The following SLC16A7 variants were observed in gnomAD, a reference collection of about 807,000 sequenced individuals.
SLC16A7 encodes the protein solute carrier family 16 member 7.
Under a neutral mutation model 34.9 loss-of-function variants are expected in SLC16A7, and 33 were observed. That is an observed-to-expected ratio of 0.94 (90% confidence interval 0.72 to 1.26). SLC16A7 has a LOEUF of 1.26. Among genes scored for constraint, SLC16A7 ranks in the 50% most tolerant of loss-of-function variants. SLC16A7 has a pLI of 0.00. For missense variants in SLC16A7, 573 were observed against 578.1 expected (o/e 0.99, Z 0.09); for synonymous variants, 201 against 206.6 (o/e 0.97, Z 0.23).
intron 2 of SLC16A7, among the ~76,000 whole-genome samples, chr12:59,659,828 C>T (rs918976245): frequency 2.6e-5 from 4 of 152,042 alleles, no homozygotes; most frequent in Admixed American, 2.0e-4. Context: ...CAGAATATTT[C>T]TGCATCAAGC....
chr12:59,599,375 T>A (rs1345414237), intron 1 of SLC16A7, among the ~76,000 whole-genome samples: 1 of 152,156 alleles, frequency 6.6e-6, no homozygotes, highest in Non-Finnish European at 1.5e-5. Context: ...TCTAATCATC[T>A]AGTTTATGAT....
chr12:59,655,823 A>G (rs1332112223), intron 2 of SLC16A7, among the ~76,000 whole-genome samples: 1 of 151,934 alleles, frequency 6.6e-6, no homozygotes, highest in Non-Finnish European at 1.5e-5. Context: ...CAGGGATTTC[A>G]ATCCTCGCTG....
At chr12:59,662,468 A>T (rs183429053) in intron 2 of SLC16A7, among the ~76,000 whole-genome samples, 1 of 152,214 alleles carries the variant, frequency 6.6e-6, no homozygotes, top group Admixed American at 6.6e-5. Flanking sequence ...ATTTAAAAAA[A>T]ATCTCGCATG....
At chr12:59,677,709 C>G (rs2137066049) in intron 2 of SLC16A7, among the ~76,000 whole-genome samples, 1 of 152,292 alleles carries the variant, frequency 6.6e-6, no homozygotes, top group South Asian at 2.1e-4. Context: ...TACCCTATCT[C>G]TTAAATGCAA....
intron 1 of SLC16A7, among the ~76,000 whole-genome samples, chr12:59,638,193 C>T (rs1452311272): frequency 6.6e-6 from 1 of 152,060 alleles, no homozygotes; most frequent in Admixed American, 6.6e-5. Context: ...GAAAACCCAG[C>T]AAAACCTGTC....
rs79772150 is a variant in SLC16A7, at chr12:59,776,008, C to T, written c.1180+533C>T. ...CCATATAGAGAAAGACAGGGATGAC[C>T]GAAAATTTATTCACAGTTTTTTTGA... On this transcript the variant is annotated intron_variant, in intron 5 of 5. Transcript: ENST00000547379. Among the ~76,000 whole-genome samples the T allele has an allele frequency of 2.8e-4, 43 of 152,008 alleles. 1 individual carries two copies. Among genetic ancestry groups the T allele is most frequent in the Non-Finnish European group, 4.4e-4 (30 of 67,946 alleles).
chr12:59,766,699 T>C (rs1259654370), intron 3 of SLC16A7, among the ~76,000 whole-genome samples: 1 of 152,200 alleles, frequency 6.6e-6, no homozygotes, highest in Non-Finnish European at 1.5e-5. Context: ...TCATGGTGGA[T>C]AAGCTTTTTG....
intron 3 of SLC16A7, 52 bp from the exon 4 acceptor site, chr12:59,771,167 C>G: frequency 6.5e-7 from 1 of 1,538,842 alleles, no homozygotes; most frequent in Non-Finnish European, 8.8e-7. Flanking sequence ...TAAAGATAAA[C>G]AAATAAATGA....
intron 1 of SLC16A7, among the ~76,000 whole-genome samples, chr12:59,615,278 G>A (rs774125539): frequency 2.0e-5 from 3 of 151,884 alleles, no homozygotes; most frequent in South Asian, 2.1e-4. Flanking sequence ...TGTTTTTATA[G>A]CAGCACAAAC....
intron 2 of SLC16A7, among the ~76,000 whole-genome samples, chr12:59,684,328 G>A (rs573709909): frequency 6.6e-6 from 1 of 152,170 alleles, no homozygotes; most frequent in South Asian, 2.1e-4. Context: ...AAATGGATTA[G>A]CATGAGAGGG....
chr12:59,635,909 C>A (rs1390539168), intron 1 of SLC16A7, among the ~76,000 whole-genome samples: 1 of 150,940 alleles, frequency 6.6e-6, no homozygotes, highest in Non-Finnish European at 1.5e-5. Context: ...CAGAAAGATT[C>A]ATCTTAAGTG....
intron 2 of SLC16A7, among the ~76,000 whole-genome samples, chr12:59,678,306 A>C (rs760201972): frequency 2.2e-4 from 33 of 152,212 alleles, no homozygotes; most frequent in South Asian, 4.1e-4. Flanking sequence ...GTGTCCAGGA[A>C]GAATGAGGTA....
chr12:59,607,179 G>A (rs2136962366), intron 1 of SLC16A7, among the ~76,000 whole-genome samples: 1 of 152,154 alleles, frequency 6.6e-6, no homozygotes, highest in Non-Finnish European at 1.5e-5. Flanking sequence ...ATTAAATCCT[G>A]CTCTAGAATT....
chr12:59,718,347 T>A (rs1252138195), intron 3 of SLC16A7, among the ~76,000 whole-genome samples: 1 of 152,096 alleles, frequency 6.6e-6, no homozygotes, highest in African/African-American at 2.4e-5. Context: ...AACTCATCGT[T>A]TTTACTAAAT....
rs149992965 is a variant in SLC16A7, at chr12:59,658,162, G to A, written c.-31+2912G>A. On this transcript the variant is annotated intron_variant, in intron 2 of 5. Coordinates refer to ENST00000547379, the MANE Select transcript of SLC16A7 (RefSeq NM_001270623.2). ...AAGAAACAGATATCAATAATCACAT[G>A]GTGTGTTTTAGTAAAATGAGATTTC... 3.7e-3 allele frequency among the ~76,000 whole-genome samples: 566 copies of A among 152,050 alleles called. 7 individuals carry two copies. Among genetic ancestry groups the A allele is most frequent in the Middle Eastern group, 0.017 (5 of 294 alleles).
chr12:59,670,584 AT>A (rs1214283640), intron 2 of SLC16A7, among the ~76,000 whole-genome samples: 7 of 152,176 alleles, frequency 4.6e-5, no homozygotes, highest in Admixed American at 2.6e-4. Flanking sequence ...ATTCCTCTCC[AT>A]CTGTGAATCT....
chr12:59,670,731 A>C (rs76486874), intron 2 of SLC16A7, among the ~76,000 whole-genome samples: 3,853 of 152,324 alleles, frequency 0.025, 174 homozygotes, highest in African/African-American at 0.087. Context: ...ACTGGTCTAA[A>C]ACAAGTTCAA....
At chr12:59,696,580 T>G (rs1872321599) in intron 2 of SLC16A7, 1 of 152,030 alleles carries the variant, frequency 6.6e-6, no homozygotes, top group Non-Finnish European at 1.5e-5. Context: ...GCTGTGCTTG[T>G]TAAAAGAAAT....
At chr12:59,678,481 G>A (rs148907247) in intron 2 of SLC16A7, among the ~76,000 whole-genome samples, 29 of 152,228 alleles carry the variant, frequency 1.9e-4, no homozygotes, top group African/African-American at 5.5e-4. Context: ...TCTTCTCTGC[G>A]GCTGGTAGTT....
Sources: gnomAD v4.1 joint callset for allele counts (sites outside exome capture counted in the v4.1 genomes callset) on GRCh38, gnomAD v4.1.1 for gene constraint, MANE v1.5 for transcripts, NCBI Gene and HGNC (gene_info 2026-07-23, HGNC 2026-07-21) for gene names.